Variants in ITGB3BP observed in about 807,000 individuals in gnomAD.
ITGB3BP encodes integrin subunit beta 3 binding protein, also known as centromere protein R.
Under a neutral mutation model 29.1 loss-of-function variants are expected in ITGB3BP, and 27 were observed. That is an observed-to-expected ratio of 0.93 (90% CI 0.68 to 1.28). The LOEUF (loss-of-function observed/expected upper bound fraction) is 1.28. Ranked by LOEUF, ITGB3BP falls within the 50% of genes most tolerant of loss-of-function variation. ITGB3BP has a pLI of 0.00. For synonymous variants in ITGB3BP, 61 were observed against 61.4 expected (o/e 0.99, Z 0.03); for missense variants, 192 against 200.2 (o/e 0.96, Z 0.25).
At chr1:63,513,387 C>G (rs1397016206) in intron 1 of ITGB3BP, among the ~76,000 whole-genome samples, 1 of 152,158 alleles carries the variant, frequency 6.6e-6, no homozygotes, top group African/African-American at 2.4e-5. Context: ...TTCCCCTTCA[C>G]CCTGGCTCCT....
intron 8 of ITGB3BP, among the ~76,000 whole-genome samples, chr1:63,441,336 C>T (rs1335579428): frequency 6.6e-6 from 1 of 152,160 alleles, no homozygotes; most frequent in Non-Finnish European, 1.5e-5. Flanking sequence ...CTCCCGTGTT[C>T]AAGTGATTCT....
chr1:63,472,966 T>C (rs915742951), intron 4 of ITGB3BP, among the ~76,000 whole-genome samples: 18 of 148,584 alleles, frequency 1.2e-4, no homozygotes, highest in Non-Finnish European at 2.2e-4. Flanking sequence ...CCCCTCTGCC[T>C]GGCTGCCCAG....
In ITGB3BP at chr1:63,489,266, T is replaced by A. The variant is rs941586309; in HGVS notation, c.184+817A>T. ...CTTCTTTTTTCTGGGTAGCTTCTAG[T>A]ATATGCTTAGCACTCATTAAATGTT... On this transcript the variant is annotated intron_variant, in intron 3 of 8. Transcript: ENST00000271002. Among the ~76,000 whole-genome samples, 6 of 151,938 alleles carry A rather than the reference T, an allele frequency of 3.9e-5. No homozygotes were observed. In the South Asian group the frequency reaches 1.2e-3, roughly 31 times the overall value.
chr1:63,517,990 T>C (rs1204141595), intron 1 of ITGB3BP, among the ~76,000 whole-genome samples: 1 of 152,226 alleles, frequency 6.6e-6, no homozygotes, highest in Non-Finnish European at 1.5e-5. Flanking sequence ...CCCAAAGTGA[T>C]GGGATTACCG....
chr1:63,482,768 C>T (rs922598053), intron 3 of ITGB3BP, among the ~76,000 whole-genome samples: 1 of 151,758 alleles, frequency 6.6e-6, no homozygotes, highest in East Asian at 1.9e-4. Context: ...ATTCTCTTGC[C>T]TCAGCCTTCC....
At chr1:63,498,688 GA>G (rs377101604) in intron 2 of ITGB3BP, among the ~76,000 whole-genome samples, 74 of 137,950 alleles carry the variant, frequency 5.4e-4, no homozygotes, top group East Asian at 1.5e-3. Context: ...CAAGCAGAAG[GA>G]AAAAAAAAAA....
chr1:63,508,404 A>G lies in ITGB3BP; in HGVS notation c.48+124T>C. On this transcript the variant is annotated intron_variant, in intron 2 of 8. Coordinates refer to ENST00000271002, the MANE Select transcript of ITGB3BP (RefSeq NM_014288.5). The stretch of plus-strand genomic sequence containing the variant: ...TGCAGAAAATGGTGTACCAATCACA[A>G]TTATATCACACTGTGATATAATTAA... 4 of 556,354 alleles carry G rather than the reference A, an allele frequency of 7.2e-6. No homozygotes were observed. In the South Asian group the frequency reaches 8.2e-5, roughly 11 times the overall value. 34.5% of individuals were successfully genotyped at this position (556,354 alleles called of 1,614,324 possible).
chr1:63,463,647 G>A (rs1419714073), intron 4 of ITGB3BP, among the ~76,000 whole-genome samples: 1 of 152,110 alleles, frequency 6.6e-6, no homozygotes, highest in African/African-American at 2.4e-5. Context: ...ATTGCCAAGA[G>A]GAAGAAAAGC....
chr1:63,518,750 T>C (rs760432552), intron 1 of ITGB3BP, among the ~76,000 whole-genome samples: 6 of 152,150 alleles, frequency 3.9e-5, no homozygotes, highest in Non-Finnish European at 7.4e-5. Flanking sequence ...ATTTAGATAG[T>C]TGTTTTCTAT....
intron 4 of ITGB3BP, among the ~76,000 whole-genome samples, chr1:63,473,563 G>T (rs1318360236): frequency 1.0e-5 from 1 of 100,028 alleles, no homozygotes; most frequent in Non-Finnish European, 2.2e-5. Flanking sequence ...CCATCTGGGA[G>T]GGGGGAGGGG....
At chr1:63,511,012 A>G (rs1646188750) in intron 1 of ITGB3BP, among the ~76,000 whole-genome samples, 1 of 152,208 alleles carries the variant, frequency 6.6e-6, no homozygotes, top group South Asian at 2.1e-4. Flanking sequence ...TACCAGTATT[A>G]GCTAACAAAA....
At chr1:63,507,431 G>T (rs1646105584) in intron 2 of ITGB3BP, among the ~76,000 whole-genome samples, 2 of 152,116 alleles carry the variant, frequency 1.3e-5, no homozygotes. Context: ...TTCTGAAACG[G>T]TCATTCTTTT....
chr1:63,478,517 G>A (rs1175433669), intron 4 of ITGB3BP, among the ~76,000 whole-genome samples: 1 of 152,122 alleles, frequency 6.6e-6, no homozygotes, highest in African/African-American at 2.4e-5. Flanking sequence ...CCCTGCGCTG[G>A]TCTATTACGC....
At chr1:63,451,156 T>C (rs182093229) in intron 7 of ITGB3BP, among the ~76,000 whole-genome samples, 268 of 151,922 alleles carry the variant, frequency 1.8e-3, no homozygotes, top group Non-Finnish European at 3.2e-3. Context: ...GTATTGTCTA[T>C]TTTAACTATT....
chr1:63,459,183 T>C (rs937197952), intron 4 of ITGB3BP, among the ~76,000 whole-genome samples: 1 of 152,172 alleles, frequency 6.6e-6, no homozygotes, highest in African/African-American at 2.4e-5. Flanking sequence ...TTAATGAATC[T>C]TCTTTCACAA....
At chr1:63,492,547 A>G (rs1422315867) in intron 2 of ITGB3BP, among the ~76,000 whole-genome samples, 1 of 152,236 alleles carries the variant, frequency 6.6e-6, no homozygotes. Context: ...CATTCTGCCA[A>G]CTCCCAAACT....
intron 4 of ITGB3BP, chr1:63,457,049 C>T (rs1644945193): frequency 6.6e-6 from 1 of 152,194 alleles, no homozygotes; most frequent in South Asian, 2.1e-4. Flanking sequence ...AGTAGTAGGA[C>T]TAGTAGACAT....
At chr1:63,444,316 G>A (rs1644762509) in intron 8 of ITGB3BP, among the ~76,000 whole-genome samples, 1 of 151,836 alleles carries the variant, frequency 6.6e-6, no homozygotes, top group South Asian at 2.1e-4. Flanking sequence ...TAACTGTGAC[G>A]ATGTATCTAT....
chr1:63,457,756 G>A (rs1460227352), intron 4 of ITGB3BP: 1 of 152,072 alleles, frequency 6.6e-6, no homozygotes, highest in Non-Finnish European at 1.5e-5. Flanking sequence ...ATGACCCTTT[G>A]AGCCATCCAG....
Sources: gnomAD v4.1 joint callset for allele counts (sites outside exome capture counted in the v4.1 genomes callset) on GRCh38, gnomAD v4.1.1 for gene constraint, MANE v1.5 for transcripts, NCBI Gene and HGNC (gene_info 2026-07-23, HGNC 2026-07-21) for gene names.